The following TCF12 variants were observed in gnomAD, a reference collection of about 807,000 sequenced individuals.
TCF12 encodes the protein DNA-binding protein HTF4.
Under a neutral mutation model 86.0 loss-of-function variants are expected in TCF12, and 45 were observed. The observed-to-expected ratio is 0.52, with a 90% CI of 0.41 to 0.67. The LOEUF (loss-of-function observed/expected upper bound fraction) is 0.67, where lower values mean the gene tolerates loss of function less well. Among genes scored for constraint, TCF12 ranks in the 30% least tolerant of loss-of-function variants. The pLI, the probability that TCF12 is intolerant of heterozygous loss-of-function variation, is 0.00. For synonymous variants in TCF12, 330 were observed against 299.6 expected (o/e 1.10, Z -1.05); for missense variants, 881 against 859.9 (o/e 1.02, Z -0.31).
intron 3 of TCF12, among the ~76,000 whole-genome samples, chr15:56,981,152 A>C (rs1364775374): frequency 6.6e-6 from 1 of 152,172 alleles, no homozygotes; most frequent in Non-Finnish European, 1.5e-5. Flanking sequence ...GCTTCAGGAG[A>C]GTCTTTACTG....
intron 4 of TCF12, among the ~76,000 whole-genome samples, chr15:57,070,726 G>C (rs906975914): frequency 6.6e-6 from 1 of 152,204 alleles, no homozygotes; most frequent in Non-Finnish European, 1.5e-5. Flanking sequence ...TTTGTAGGTA[G>C]TGAGTTAGAA....
intron 3 of TCF12, among the ~76,000 whole-genome samples, chr15:57,020,964 G>A (rs2065443363): frequency 1.3e-5 from 2 of 152,116 alleles, no homozygotes; most frequent in Non-Finnish European, 2.9e-5. Flanking sequence ...TAGATGAAGA[G>A]GGTGAGACAT....
At chr15:57,136,130 T>G (rs2052501738) in intron 5 of TCF12, among the ~76,000 whole-genome samples, 1 of 152,242 alleles carries the variant, frequency 6.6e-6, no homozygotes, top group African/African-American at 2.4e-5. Context: ...ACTATTGATC[T>G]GCAGTATCCT....
At chr15:57,127,807 T>A (rs1276483485) in intron 5 of TCF12, among the ~76,000 whole-genome samples, 1 of 152,156 alleles carries the variant, frequency 6.6e-6, no homozygotes, top group South Asian at 2.1e-4. Context: ...TTAATTGGCA[T>A]GTAGGGTCCT....
chr15:57,040,806 C>T (rs1388765155), intron 3 of TCF12, among the ~76,000 whole-genome samples: 2 of 152,132 alleles, frequency 1.3e-5, no homozygotes, highest in African/African-American at 2.4e-5. Context: ...GGGTAATTAA[C>T]TTACTCATAA....
chr15:56,940,718 C>G (rs1229213741), intron 3 of TCF12, among the ~76,000 whole-genome samples: 2 of 114,828 alleles, frequency 1.7e-5, no homozygotes, highest in African/African-American at 7.2e-5. Context: ...TCCCCCCTTC[C>G]TATCCCCTTC....
intron 3 of TCF12, among the ~76,000 whole-genome samples, chr15:56,960,985 C>G (rs1410897395): frequency 6.6e-6 from 1 of 151,662 alleles, no homozygotes; most frequent in Non-Finnish European, 1.5e-5. Flanking sequence ...ACTACAGATG[C>G]AAAAATTAGC....
chr15:57,112,028 A>G (rs576937191), intron 5 of TCF12, among the ~76,000 whole-genome samples: 1 of 152,350 alleles, frequency 6.6e-6, no homozygotes, highest in Admixed American at 6.5e-5. Flanking sequence ...TAGTGATCAC[A>G]GGAATATTTC....
intron 18 of TCF12, among the ~76,000 whole-genome samples, chr15:57,264,688 AC>A (rs1334082262): frequency 1.7e-4 from 26 of 152,148 alleles, no homozygotes; most frequent in African/African-American, 6.0e-4. Context: ...ACAGGCAGTA[AC>A]ATGCAGGAAG....
intron 3 of TCF12, among the ~76,000 whole-genome samples, chr15:57,023,586 C>T (rs2065628984): frequency 6.6e-6 from 1 of 152,044 alleles, no homozygotes; most frequent in Non-Finnish European, 1.5e-5. Context: ...TAAAATTAAG[C>T]AGATTGGATT....
At chr15:57,118,437 T>A (rs1187738454) in intron 5 of TCF12, 1 of 152,234 alleles carries the variant, frequency 6.6e-6, no homozygotes, top group Non-Finnish European at 1.5e-5. Flanking sequence ...ATCAGCAGTA[T>A]GTGCTCTTCA....
At chr15:56,941,519 T>G (rs927674505) in intron 3 of TCF12, among the ~76,000 whole-genome samples, 1 of 151,838 alleles carries the variant, frequency 6.6e-6, no homozygotes, top group African/African-American at 2.4e-5. Context: ...ATTACAGGCA[T>G]GCACCACCAC....
At chr15:57,178,530 G>A (rs183254046) in intron 6 of TCF12, among the ~76,000 whole-genome samples, 1 of 152,146 alleles carries the variant, frequency 6.6e-6, no homozygotes, top group Non-Finnish European at 1.5e-5. Flanking sequence ...GAAAATAGTA[G>A]TGCTACTTAA....
At chr15:57,031,048 AATT>A (rs1212172516) in intron 3 of TCF12, among the ~76,000 whole-genome samples, 1 of 152,228 alleles carries the variant, frequency 6.6e-6, no homozygotes, top group Non-Finnish European at 1.5e-5. Flanking sequence ...TTATTGTGTG[AATT>A]ATTATTTCTG....
intron 3 of TCF12, among the ~76,000 whole-genome samples, chr15:57,007,808 T>TTCTC (rs1379637905): frequency 1.2e-4 from 15 of 125,440 alleles, no homozygotes; most frequent in African/African-American, 4.0e-4. Flanking sequence ...CTTTCTTTCT[T>TTCTC]TCTTTCTTTC....
chr15:57,170,274 A>T (rs866721915), intron 6 of TCF12, among the ~76,000 whole-genome samples: 134 of 144,806 alleles, frequency 9.3e-4, no homozygotes, highest in South Asian at 2.2e-3. Context: ...GGAATTAAAA[A>T]TTTTTTTTTT....
At chr15:57,215,561 T>C (rs1263542511) in intron 8 of TCF12, among the ~76,000 whole-genome samples, 1 of 152,166 alleles carries the variant, frequency 6.6e-6, no homozygotes, top group South Asian at 2.1e-4. Context: ...GTGAGGAATA[T>C]TATGAGTGGG....
chr15:57,106,681 G>A (rs1015491976), intron 5 of TCF12, among the ~76,000 whole-genome samples: 3 of 152,124 alleles, frequency 2.0e-5, no homozygotes, highest in African/African-American at 7.2e-5. Context: ...TCTCATAAAG[G>A]ACTACTGTTC....
At chr15:57,241,211 A>G (rs1370701696) in intron 12 of TCF12, among the ~76,000 whole-genome samples, 1 of 151,888 alleles carries the variant, frequency 6.6e-6, no homozygotes, top group African/African-American at 2.4e-5. Flanking sequence ...CTCCTGCCTC[A>G]GACCCCGCGA....
Sources: allele counts gnomAD v4.1 joint callset (sites outside exome capture counted in the v4.1 genomes callset), GRCh38; gene constraint gnomAD v4.1.1; transcripts MANE v1.5; gene names NCBI Gene and HGNC (gene_info 2026-07-23, HGNC 2026-07-21).